The following TPTE variants were observed in gnomAD, a reference collection of about 807,000 sequenced individuals.
TPTE encodes the protein putative tyrosine-protein phosphatase TPTE.
TPTE carries 59 observed loss-of-function variants against 84.1 expected under a neutral mutation model. The observed-to-expected ratio is 0.70, with a 90% CI of 0.57 to 0.87. TPTE has a LOEUF of 0.87. TPTE is among the 40% of genes least tolerant of loss of function. The probability of loss-of-function intolerance (pLI) is 0.00; values close to 1 mark genes in which losing one functional copy is unlikely to be tolerated. For missense variants in TPTE, 382 were observed against 659.6 expected (o/e 0.58, Z 4.61); for synonymous variants, 130 against 223.5 (o/e 0.58, Z 3.73).
intron 3 of TPTE, among the ~76,000 whole-genome samples, chr21:10,529,197 A>C (rs1431532645): frequency 3.2e-3 from 488 of 152,316 alleles, no homozygotes; most frequent in African/African-American, 0.011. Context: ...AAAAAAAAAA[A>C]AAAAGTGTTT....
At chr21:10,558,930 G>T (rs1237528209) in intron 8 of TPTE, among the ~76,000 whole-genome samples, 1 of 152,292 alleles carries the variant, frequency 6.6e-6, no homozygotes, top group Non-Finnish European at 1.5e-5. Flanking sequence ...AGTCTTTCGG[G>T]TGTTTCTCCT....
At chr21:10,549,269 T>C (rs1158602724) in intron 7 of TPTE, among the ~76,000 whole-genome samples, 2 of 152,308 alleles carry the variant, frequency 1.3e-5, no homozygotes, top group Non-Finnish European at 2.9e-5. Flanking sequence ...GGTGACTTTT[T>C]CACCAGATGC....
intron 7 of TPTE, among the ~76,000 whole-genome samples, chr21:10,543,640 A>G (rs1211898336): frequency 1.3e-5 from 2 of 152,426 alleles, no homozygotes; most frequent in East Asian, 1.9e-4. Flanking sequence ...TCATTGTAGC[A>G]TTTGTAGATA....
intron 14 of TPTE, among the ~76,000 whole-genome samples, chr21:10,573,627 C>T (rs1600930969): frequency 6.6e-6 from 1 of 152,310 alleles, no homozygotes; most frequent in African/African-American, 2.4e-5. Context: ...TGCTGATTAT[C>T]CTGATTTGAT....
intron 1 of TPTE, among the ~76,000 whole-genome samples, chr21:10,523,949 T>C (rs2074034164): frequency 6.6e-6 from 1 of 152,310 alleles, no homozygotes; most frequent in African/African-American, 2.4e-5. Context: ...CCACATCCTC[T>C]CCAGCACCTG....
At chr21:10,567,402 C>A (rs868097674) in intron 10 of TPTE, among the ~76,000 whole-genome samples, 1 of 148,196 alleles carries the variant, frequency 6.7e-6, no homozygotes, top group African/African-American at 2.5e-5. Context: ...GTGATTATTA[C>A]GCATTTAGTT....
intron 8 of TPTE, among the ~76,000 whole-genome samples, chr21:10,556,987 G>T (rs558945569): frequency 3.7e-4 from 56 of 152,282 alleles, no homozygotes; most frequent in South Asian, 2.1e-4. Context: ...CTCCCATTCC[G>T]TAGGTTGCCT....
At chr21:10,538,816 A>G in intron 4 of TPTE, 82 bp downstream of exon 4, 4 of 1,613,632 alleles carry the variant, frequency 2.5e-6, no homozygotes, top group Non-Finnish European at 3.4e-6. Flanking sequence ...ACATAAACAA[A>G]TATATCCATC....
At chr21:10,603,525 G>C (rs766163417) in intron 22 of TPTE, 37 bp from the exon 23 acceptor site, 1 of 1,572,220 alleles carries the variant, frequency 6.4e-7, no homozygotes, top group Non-Finnish European at 8.7e-7. Context: ...TTAGTTCTTG[G>C]TATCAGTTTT....
intron 4 of TPTE, among the ~76,000 whole-genome samples, 196 bp downstream of exon 4, chr21:10,538,930 T>C (rs984391997): frequency 3.3e-5 from 5 of 152,310 alleles, no homozygotes; most frequent in African/African-American, 1.2e-4. Context: ...CGGCCGGACA[T>C]TTGTGGAGTT....
At chr21:10,543,250 T>A (rs1417797103) in intron 6 of TPTE, 79 bp from the exon 7 acceptor site, 1 of 1,503,336 alleles carries the variant, frequency 6.7e-7, no homozygotes, top group African/African-American at 1.8e-5. Context: ...GCCAGGATGG[T>A]CTCAATCTCC....
At chr21:10,553,711 G>A (rs1222122643) in intron 8 of TPTE, among the ~76,000 whole-genome samples, 11 of 152,304 alleles carry the variant, frequency 7.2e-5, no homozygotes, top group Admixed American at 6.5e-4. Flanking sequence ...ACAGGGGGAT[G>A]ATATTGGATT....
At position 10,567,621 on chromosome 21, in the gene TPTE, C is replaced by G. The variant is rs112842645; in HGVS notation, c.447-49C>G. ...GTTTGTGGTCTTTAAATATTCCTAT[C>G]TCTTCTTGCAGGGGGGAATGAACTT... On this transcript the variant is annotated intron_variant, in intron 10 of 23. Transcript: ENST00000618007. 541 of 1,599,780 alleles carry G rather than the reference C, an allele frequency of 3.4e-4. No individual in the cohort carries two copies. The African/African-American group carries it at 6.3e-3, about 18-fold the overall frequency.
At chr21:10,559,873 A>T (rs1343516448) in intron 9 of TPTE, among the ~76,000 whole-genome samples, 1 of 90,870 alleles carries the variant, frequency 1.1e-5, no homozygotes, top group East Asian at 3.8e-4. Context: ...GACTCCATGT[A>T]AAAAAAAAAA....
intron 20 of TPTE, among the ~76,000 whole-genome samples, chr21:10,596,773 C>T (rs1176887581): frequency 6.6e-6 from 1 of 152,310 alleles, no homozygotes; most frequent in African/African-American, 2.4e-5. Context: ...CTATAGGTGC[C>T]ATGGGGCCAG....
intron 14 of TPTE, among the ~76,000 whole-genome samples, chr21:10,571,442 G>A (rs1463978146): frequency 9.8e-4 from 149 of 152,154 alleles, no homozygotes; most frequent in African/African-American, 3.4e-3. Flanking sequence ...AGGGCCATAA[G>A]AAACGTGAAA....
chr21:10,582,223 A>G (rs2075284204), intron 17 of TPTE, among the ~76,000 whole-genome samples: 1 of 152,310 alleles, frequency 6.6e-6, no homozygotes, highest in Non-Finnish European at 1.5e-5. Flanking sequence ...AAGTTGGGGG[A>G]AGTGTTTTTT....
chr21:10,534,927 G>A (rs987738974), intron 3 of TPTE, among the ~76,000 whole-genome samples: 4 of 152,298 alleles, frequency 2.6e-5, no homozygotes, highest in African/African-American at 7.2e-5. Flanking sequence ...TTAGTTTCTA[G>A]GGCTGCTTTA....
chr21:10,540,875 T>C, intron 4 of TPTE: 1 of 668,830 alleles, frequency 1.5e-6, no homozygotes, highest in South Asian at 1.4e-5. Flanking sequence ...GAGGTGTAGA[T>C]ACCCTTACTT....
Sources: allele counts gnomAD v4.1 joint callset (sites outside exome capture counted in the v4.1 genomes callset), GRCh38; gene constraint gnomAD v4.1.1; transcripts MANE v1.5; gene names NCBI Gene and HGNC (gene_info 2026-07-23, HGNC 2026-07-21).